Variants in CCDC57 observed in about 807,000 individuals in gnomAD.
CCDC57 encodes coiled-coil domain containing 57.
In CCDC57, 118 loss-of-function variants were observed where a neutral mutation model predicts 118.9. That is an observed-to-expected ratio of 0.99 (90% confidence interval 0.86 to 1.16). The LOEUF (loss-of-function observed/expected upper bound fraction) is 1.16. CCDC57 is among the 50% of genes most tolerant of loss of function. CCDC57 has a pLI of 0.00. For missense variants in CCDC57, 1,300 were observed against 1,320.7 expected (o/e 0.98, Z 0.24); for synonymous variants, 527 against 532.9 (o/e 0.99, Z 0.15).
chr17:82,128,036 C>A, intron 18 of CCDC57, 128 bp from the exon 18 acceptor site: 1 of 1,351,690 alleles, frequency 7.4e-7, no homozygotes, highest in South Asian at 1.4e-5. Context: ...CAGGCAGATG[C>A]TCCCAGGATC....
chr17:82,184,738 G>A (rs2046723044), intron 8 of CCDC57, among the ~76,000 whole-genome samples: 1 of 152,192 alleles, frequency 6.6e-6, no homozygotes, highest in Non-Finnish European at 1.5e-5. Flanking sequence ...TGTCACGAGG[G>A]GTTAAACCTA....
intron 10 of CCDC57, 61 bp from the exon 10 acceptor site, chr17:82,178,666 G>A (rs1299246861): frequency 3.8e-6 from 6 of 1,583,812 alleles, no homozygotes; most frequent in Non-Finnish European, 5.1e-6. Context: ...CATGCCTGCT[G>A]AGGCTCCAAT....
Position 82,163,520 on chromosome 17 carries a change from C to T in CCDC57, c.1883-163G>A, listed in dbSNP as rs2043600903. ...TTCATTGGAGTCAGCAGATCTGGTC[C>T]ACGTGAAGATTAGAGATGCTGTACA... On this transcript the variant is annotated intron_variant, in intron 13 of 19. Coordinates refer to ENST00000665763, the Ensembl canonical transcript of CCDC57. 5.7e-6 allele frequency: 4 copies of T among 705,066 alleles called. No individual in the cohort carries two copies. The East Asian group carries it at 1.1e-4, about 19-fold the overall frequency. 43.7% of individuals were successfully genotyped at this position (705,066 alleles called of 1,614,324 possible). A position where few individuals can be genotyped will look rare whatever the true frequency, so the allele number is the denominator to read the frequency against.
At position 82,118,581 on chromosome 17, in the gene CCDC57, G is replaced by A. The variant is rs1423354030; in HGVS notation, c.2899+9111C>T. Among the ~76,000 whole-genome samples the A allele has an allele frequency of 1.3e-5, 2 of 152,056 alleles. No homozygotes were observed. Among genetic ancestry groups the A allele is most frequent in the African/African-American group, 2.4e-5 (1 of 41,412 alleles). The stretch of plus-strand genomic sequence containing the variant: ...TGGGCACTTGATACACACCCATAAG[G>A]TGCACTCTAGGGAGGTGGAGGCAGG... On this transcript the variant is annotated intron_variant, in intron 19 of 19. Transcript: ENST00000665763. This position sits in a 1 kb window ranked among gnomAD's most constrained non-coding sequence, Gnocchi z 4.7.
chr17:82,137,960 C>T (rs947898211), intron 16 of CCDC57, among the ~76,000 whole-genome samples: 1 of 151,760 alleles, frequency 6.6e-6, no homozygotes, highest in Admixed American at 6.6e-5. Flanking sequence ...GTGTGAGCCA[C>T]TGTGCCCAGC....
At chr17:82,168,751 CAA>C (rs2044309461) in intron 13 of CCDC57, among the ~76,000 whole-genome samples, 1 of 135,100 alleles carries the variant, frequency 7.4e-6, no homozygotes, top group Admixed American at 7.5e-5. Flanking sequence ...TGTTGCCAGA[CAA>C]AGAGGAAGAT....
In CCDC57 at chr17:82,212,416, T is replaced by TA. The variant is rs1568519888; in HGVS notation, c.-211+368dup. 5.5e-5 allele frequency among the ~76,000 whole-genome samples: 8 copies of TA among 145,140 alleles called. No individual in the cohort carries two copies. The highest frequency in any genetic ancestry group is 4.0e-4 in the East Asian group (2 of 5,042). ...TCCTCTCTTTTTTTTTTTTTTTTTT[T>TA]AAACTCACAGACACTGTAAGGCTGC... On this transcript the variant is annotated intron_variant, in intron 1 of 19. Coordinates refer to ENST00000665763, the Ensembl canonical transcript of CCDC57. The surrounding 1 kb of genome is among the most constrained non-coding windows in gnomAD (Gnocchi z 4.1).
chr17:82,128,408 C>G, intron 18 of CCDC57, 85 bp downstream of exon 17: 1 of 908,040 alleles, frequency 1.1e-6, no homozygotes, highest in Non-Finnish European at 1.7e-6. Context: ...AAGGCCCCTC[C>G]GAGAGGCCCA....
intron 15 of CCDC57, chr17:82,154,822 T>C (rs2042490154): frequency 6.7e-6 from 1 of 149,384 alleles, no homozygotes. Context: ...CACGTGGCGT[T>C]TCTACAGATG....
intron 19 of CCDC57, among the ~76,000 whole-genome samples, chr17:82,109,739 C>G (rs1367287158): frequency 6.6e-6 from 1 of 151,636 alleles, no homozygotes; most frequent in Non-Finnish European, 1.5e-5. Flanking sequence ...CACCTGTAGT[C>G]CCACTTACTC....
Position 82,178,573 on chromosome 17 carries a change from C to T in CCDC57, c.1407G>A (p.Ala469=), listed in dbSNP as rs781065274. 4.1e-5 allele frequency: 66 copies of T among 1,613,106 alleles called. No individual in the cohort carries two copies. The highest frequency in any genetic ancestry group is 3.7e-4 in the Admixed American group (22 of 59,990). The change falls in exon 11 of 20, where the codon GCG becomes GCA. Residue 469 remains alanine (A), a synonymous_variant. Transcript: ENST00000665763. ...TCAGCACCACCTCCTGCTCCTGTAG[C>T]GCCTGCTCTGTCTCCTGCAGCTTGG... is the stretch of plus-strand genomic sequence containing the variant.
At chr17:82,150,784 T>G in intron 16 of CCDC57, among the ~76,000 whole-genome samples, 1 of 37,698 alleles carries the variant, frequency 2.7e-5, no homozygotes, top group African/African-American at 1.2e-4. Context: ...CAGAACCTGG[T>G]GCACACCCAG....
At chr17:82,152,096 T>C (rs372704502) in intron 15 of CCDC57, 306 of 345,102 alleles carry the variant, frequency 8.9e-4, no homozygotes, top group African/African-American at 6.1e-3. Context: ...GTCTTTCAAG[T>C]GAACACAAGG....
chr17:82,201,380 A>C (rs561598839), intron 3 of CCDC57, among the ~76,000 whole-genome samples, 158 bp downstream of exon 2: 1 of 152,366 alleles, frequency 6.6e-6, no homozygotes, highest in African/African-American at 2.4e-5. Context: ...GCCACGAGGC[A>C]CTCGGCCACT....
chr17:82,194,177 A>C (rs1349355872), intron 5 of CCDC57, 38 bp from the exon 5 acceptor site: 8 of 1,592,356 alleles, frequency 5.0e-6, no homozygotes, highest in Non-Finnish European at 6.9e-6. Flanking sequence ...TGAGGTGATA[A>C]TTAGAAGACA....
In CCDC57 at chr17:82,113,903, G is replaced by A. The variant is rs115222065; in HGVS notation, c.2900-12037C>T. 3.7e-3 allele frequency: 2,053 copies of A among 547,954 alleles called. 27 individuals carry two copies. Among genetic ancestry groups the A allele is most frequent in the African/African-American group, 0.035 (1,872 of 53,024 alleles). The allele number at this position is 547,954 out of a possible 1,614,324, so 33.9% of individuals were successfully genotyped here. A position where few individuals can be genotyped will look rare whatever the true frequency, so the allele number is the denominator to read the frequency against. ...TGAGGCCACAGTGAACCAAGATTGT[G>A]CCACTGCACTCTGGCCTGGGCAACA... On this transcript the variant is annotated intron_variant, in intron 19 of 19. Transcript: ENST00000665763.
At chr17:82,106,520 A>G (rs1163513988) in intron 19 of CCDC57, 1 of 152,334 alleles carries the variant, frequency 6.6e-6, no homozygotes, top group Non-Finnish European at 1.5e-5. Flanking sequence ...GCCTCTGGGT[A>G]TCTCCACACC....
chr17:82,131,094 T>C (rs2038294138), intron 17 of CCDC57, among the ~76,000 whole-genome samples: 1 of 150,602 alleles, frequency 6.6e-6, no homozygotes, highest in Non-Finnish European at 1.5e-5. Flanking sequence ...ATTACAGGCA[T>C]GAGCCACTGG....
rs2038855759 is a variant in CCDC57, at chr17:82,134,341, A to C, written c.2456-147T>G. 4.6e-6 allele frequency: 3 copies of C among 656,118 alleles called. No individual in the cohort carries two copies. In the Admixed American group the frequency reaches 1.3e-4, roughly 29 times the overall value. 40.6% of individuals were successfully genotyped at this position (656,118 alleles called of 1,614,324 possible). Reference sequence around the variant, plus strand: ...ACATCGAGAACTTGGGGAGGGCCGGACAACAGTGAACTGTGACACACAGCA... The same window carrying C: ...ACATCGAGAACTTGGGGAGGGCCGGCCAACAGTGAACTGTGACACACAGCA... On this transcript the variant is annotated intron_variant, in intron 16 of 19. Transcript: ENST00000665763.
Sources: gnomAD v4.1 joint callset for allele counts (sites outside exome capture counted in the v4.1 genomes callset) on GRCh38, gnomAD v4.1.1 for gene constraint, Gnocchi (gnomAD v3.1) non-coding constraint, MANE v1.5 for transcripts, NCBI Gene and HGNC (gene_info 2026-07-23, HGNC 2026-07-21) for gene names.